The following TRIM2 variants were observed in gnomAD, a reference collection of about 807,000 sequenced individuals.
TRIM2 encodes tripartite motif containing 2, also known as tripartite motif-containing protein 2.
A neutral mutation model predicts 75.2 loss-of-function variants in TRIM2; 20 were observed. That is an observed-to-expected ratio of 0.27 (90% CI 0.19 to 0.39). The LOEUF is 0.39. TRIM2 is among the 10% of genes least tolerant of loss of function. The probability of loss-of-function intolerance (pLI) is 1.00; values close to 1 mark genes in which losing one functional copy is unlikely to be tolerated. For missense variants in TRIM2, 660 were observed against 990.8 expected, an observed-to-expected ratio of 0.67 and a Z score of 4.48; for synonymous variants, 373 against 388.3, an observed-to-expected ratio of 0.96 and a Z score of 0.46.
intron 1 of TRIM2, among the ~76,000 whole-genome samples, chr4:153,193,520 T>C (rs1733448108): frequency 6.6e-6 from 1 of 152,158 alleles, no homozygotes. Flanking sequence ...ATTTATTTAT[T>C]TTATGGAGAA....
At chr4:153,240,589 A>G (rs1383980467) in intron 1 of TRIM2, among the ~76,000 whole-genome samples, 1 of 152,218 alleles carries the variant, frequency 6.6e-6, no homozygotes, top group East Asian at 1.9e-4. Flanking sequence ...CTACGCTTCT[A>G]GGGCTCTCCA....
chr4:153,222,652 T>C (rs1367282073), intron 1 of TRIM2: 1 of 152,208 alleles, frequency 6.6e-6, no homozygotes, highest in African/African-American at 2.4e-5. Flanking sequence ...CTTACTGCTC[T>C]GGGCCTGAGC....
intron 1 of TRIM2, among the ~76,000 whole-genome samples, chr4:153,207,990 T>C (rs1173612055): frequency 6.6e-6 from 1 of 152,198 alleles, no homozygotes; most frequent in Non-Finnish European, 1.5e-5. Flanking sequence ...ATGGGTCTTG[T>C]GTGTGGTTTG....
rs754029321 is a variant in TRIM2, at chr4:153,196,429, C to T, written c.-49+43159C>T. Reference sequence around the variant, plus strand: ...TCCAGCCTGTGGGACAGGGCAAGACCCTGTCTCTTAAAAAATCATAAAAAT... The same window carrying T: ...TCCAGCCTGTGGGACAGGGCAAGACTCTGTCTCTTAAAAAATCATAAAAAT... On this transcript the variant is annotated intron_variant, in intron 1 of 11. Transcript: ENST00000437508. Among the ~76,000 whole-genome samples the T allele has an allele frequency of 2.4e-4, 36 of 152,052 alleles. 1 individual carries two copies. The highest frequency in any genetic ancestry group is 4.3e-4 in the Non-Finnish European group (29 of 68,012).
chr4:153,217,185 A>G (rs1738711743), intron 1 of TRIM2, among the ~76,000 whole-genome samples: 1 of 152,024 alleles, frequency 6.6e-6, no homozygotes, highest in Non-Finnish European at 1.5e-5. Context: ...GAATTATGGG[A>G]CCCTAGACAT....
In TRIM2 at chr4:153,283,396, A is replaced by G. The variant is rs1759803051; in HGVS notation, c.453+7266A>G. On this transcript the variant is annotated intron_variant, in intron 3 of 11. Coordinates refer to ENST00000338700, the MANE Select transcript of TRIM2 (RefSeq NM_015271.5). ...GTTATGGTATATTAGTACTCTTTTT[A>G]ATGGCTAAATAATATTCCATTATAT... is the stretch of plus-strand genomic sequence containing the variant. 2.0e-5 allele frequency among the ~76,000 whole-genome samples: 3 copies of G among 152,346 alleles called. No individual in the cohort carries two copies. The South Asian group carries it at 6.2e-4, about 32-fold the overall frequency.
At chr4:153,204,876 A>G (rs1264995071) in intron 1 of TRIM2, among the ~76,000 whole-genome samples, 3 of 152,180 alleles carry the variant, frequency 2.0e-5, no homozygotes, top group African/African-American at 7.2e-5. Context: ...TTTATTTCCT[A>G]ACATAGGTAG....
intron 6 of TRIM2, among the ~76,000 whole-genome samples, chr4:153,297,501 A>T (rs1189481091): frequency 2.6e-5 from 4 of 152,214 alleles, no homozygotes; most frequent in Non-Finnish European, 5.9e-5. Context: ...ATGTAGGAGG[A>T]GCTAAATGAA....
At chr4:153,259,393 CT>C (rs1220640033) in intron 1 of TRIM2, among the ~76,000 whole-genome samples, 1 of 152,080 alleles carries the variant, frequency 6.6e-6, no homozygotes, top group African/African-American at 2.4e-5. Flanking sequence ...TCTTTTATCT[CT>C]TTTTATTAGG....
At chr4:153,223,933 T>A (rs1220017755) in intron 1 of TRIM2, among the ~76,000 whole-genome samples, 1 of 152,196 alleles carries the variant, frequency 6.6e-6, no homozygotes, top group Non-Finnish European at 1.5e-5. Flanking sequence ...TATGCCTTTT[T>A]TCATTGTTTT....
chr4:153,327,313 T>C (rs1351929493), intron 10 of TRIM2, among the ~76,000 whole-genome samples: 1 of 152,186 alleles, frequency 6.6e-6, no homozygotes, highest in African/African-American at 2.4e-5. Context: ...GAGATGGAAG[T>C]GTCCTACTTT....
intron 1 of TRIM2, among the ~76,000 whole-genome samples, chr4:153,189,587 C>G (rs1283893408): frequency 6.6e-6 from 1 of 152,130 alleles, no homozygotes; most frequent in Non-Finnish European, 1.5e-5. Context: ...ACTATTCCAC[C>G]CTACACGCCA....
chr4:153,177,212 C>T (rs1202198744), intron 1 of TRIM2, among the ~76,000 whole-genome samples: 3 of 152,244 alleles, frequency 2.0e-5, no homozygotes, highest in Non-Finnish European at 2.9e-5. Context: ...CTCCTGCTGG[C>T]TCTTGTCATA....
intron 1 of TRIM2, among the ~76,000 whole-genome samples, chr4:153,266,338 T>C (rs1318318587): frequency 2.3e-5 from 3 of 131,130 alleles, no homozygotes; most frequent in Non-Finnish European, 4.8e-5. Context: ...CCTGGCTAAT[T>C]TTTGGGTTTT....
intron 1 of TRIM2, among the ~76,000 whole-genome samples, chr4:153,192,236 C>T (rs1733268318): frequency 6.6e-6 from 1 of 152,152 alleles, no homozygotes; most frequent in South Asian, 2.1e-4. Context: ...TATCTGTATT[C>T]TAAAAAGTGT....
intron 1 of TRIM2, among the ~76,000 whole-genome samples, chr4:153,213,119 T>C (rs1737515585): frequency 6.6e-6 from 1 of 152,130 alleles, no homozygotes. Flanking sequence ...AAGTGCTTTA[T>C]GTGTATGAGC....
rs542500008 is a variant in TRIM2 at position 153,165,487 on chromosome 4, T to G, written c.-49+12217T>G. 2.2e-4 allele frequency among the ~76,000 whole-genome samples: 34 copies of G among 152,140 alleles called. No homozygotes were observed. In the South Asian group the frequency reaches 6.9e-3, roughly 31 times the overall value. On this transcript the variant is annotated intron_variant, in intron 1 of 11. Transcript: ENST00000437508. Reference sequence around the variant, plus strand: ...CTGGGACTACGAACACATGCCACCATGCCTGGCTATTTTTGTTTGTTTGTT... The same window carrying G: ...CTGGGACTACGAACACATGCCACCAGGCCTGGCTATTTTTGTTTGTTTGTT...
intron 1 of TRIM2, among the ~76,000 whole-genome samples, chr4:153,212,270 G>T (rs1737242901): frequency 6.6e-6 from 1 of 152,176 alleles, no homozygotes; most frequent in South Asian, 2.1e-4. Context: ...ATTATCCTAA[G>T]TGAAATGAGT....
chr4:153,257,448 G>A, intron 1 of TRIM2: 1 of 1,230,628 alleles, frequency 8.1e-7, no homozygotes, highest in Middle Eastern at 2.3e-4. Context: ...GAATACTGAA[G>A]GGGGTCTTCC....
Sources: allele counts gnomAD v4.1 joint callset (sites outside exome capture counted in the v4.1 genomes callset), GRCh38; gene constraint gnomAD v4.1.1; transcripts MANE v1.5; gene names NCBI Gene and HGNC (gene_info 2026-07-23, HGNC 2026-07-21).